The following MTMR9 variants were observed in gnomAD, a reference collection of about 807,000 sequenced individuals.
The protein encoded by MTMR9 is myotubularin related protein 9.
Under a neutral mutation model 69.5 loss-of-function variants are expected in MTMR9, and 39 were observed. The observed-to-expected ratio is 0.56, with a 90% CI of 0.43 to 0.73. The LOEUF is 0.73. MTMR9 is among the 30% of genes least tolerant of loss of function. The pLI is 0.00. For missense variants in MTMR9, 900 were observed against 671.2 expected (o/e 1.34, Z -3.77); for synonymous variants, 354 against 240.8 (o/e 1.47, Z -4.35).
chr8:11,295,738 C>G (rs932470767), intron 2 of MTMR9, among the ~76,000 whole-genome samples: 1 of 152,200 alleles, frequency 6.6e-6, no homozygotes, highest in African/African-American at 2.4e-5. Flanking sequence ...AGACTGTAAA[C>G]TTCTTTTTCT....
intron 1 of MTMR9, among the ~76,000 whole-genome samples, chr8:11,287,177 T>A (rs1799193512): frequency 6.6e-6 from 1 of 152,234 alleles, no homozygotes; most frequent in African/African-American, 2.4e-5. Context: ...CGTCTAACTG[T>A]GGCTTGGGCA....
the MTMR9 span, among the ~76,000 whole-genome samples, chr8:11,336,064 G>A: frequency 3.3e-5 from 5 of 152,146 alleles, no homozygotes; most frequent in South Asian, 2.1e-4. Flanking sequence ...ATACATTTTG[G>A]TGAGGACAAA....
chr8:11,332,016 A>C, downstream of MTMR9: 1 of 1,611,734 alleles, frequency 6.2e-7, no homozygotes. Flanking sequence ...GCTCCATGAG[A>C]CTGTGGCACT....
At position 11,300,132 on chromosome 8, in the gene MTMR9, A is replaced by G. The variant is rs751209576; in HGVS notation, c.401A>G (p.Glu134Gly). Residue 134 changes from glutamate to glycine, a missense_variant, in exon 3 of 10, where the codon GAA (glutamate) becomes GGA (glycine). Glu to Gly is a moderately conservative substitution (Grantham distance 98). Transcript: ENST00000221086. The stretch of plus-strand genomic sequence containing the variant: ...TCCTTCCTTCCTGAGCAAGAATTTG[A>G]ACTCTATTCTTCAGCTGTGAGTTAA... ...WHSFLPEQEF[E>G]LYSSATSEWR... The G allele has an allele frequency of 6.2e-7, 1 of 1,613,242 alleles. No individual in the cohort carries two copies. Among genetic ancestry groups the G allele is most frequent in the South Asian group, 1.1e-5 (1 of 91,074 alleles).
rs563217569 is a variant in MTMR9, at chr8:11,320,199, A to G, written c.1486+361A>G. On this transcript the variant is annotated intron_variant, in intron 9 of 9. Coordinates refer to ENST00000221086, the MANE Select transcript of MTMR9 (RefSeq NM_015458.4). Reference sequence around the variant, plus strand: ...GTTTCTGTCCCTTAATGAAGCAGTCATTAGGATAGGTTCTTGTATTAAATG... The same window carrying G: ...GTTTCTGTCCCTTAATGAAGCAGTCGTTAGGATAGGTTCTTGTATTAAATG... The G allele has an allele frequency of 1.0e-3, 197 of 193,544 alleles. 1 individual carries two copies. Among genetic ancestry groups the G allele is most frequent in the Non-Finnish European group, 5.1e-4 (49 of 95,314 alleles). 12.0% of individuals were successfully genotyped at this position (193,544 alleles called of 1,614,324 possible). A position where few individuals can be genotyped will look rare whatever the true frequency, so the allele number is the denominator to read the frequency against.
At chr8:11,332,269 T>C (rs989355859), downstream of MTMR9, 22 of 1,288,660 alleles carry the variant, frequency 1.7e-5, no homozygotes, top group Non-Finnish European at 2.1e-5. Flanking sequence ...CATTATAATA[T>C]TGAGATGTTC....
intron 1 of MTMR9, among the ~76,000 whole-genome samples, chr8:11,287,897 T>G (rs1323325542): frequency 6.5e-4 from 83 of 127,446 alleles, no homozygotes; most frequent in Middle Eastern, 4.3e-3. Flanking sequence ...TAATACGTAT[T>G]ATATATAACA....
rs773830610 is a variant in MTMR9, at chr8:11,295,236, T to C, written c.225T>C (p.Asp75=). 3.7e-6 allele frequency: 6 copies of C among 1,611,692 alleles called. No individual in the cohort carries two copies. The South Asian group carries it at 5.5e-5, about 15-fold the overall frequency. The change falls in exon 2 of 10, where the codon GAT becomes GAC. Residue 75 remains aspartate, a synonymous_variant. Coordinates refer to ENST00000221086, the MANE Select transcript of MTMR9 (RefSeq NM_015458.4). ...SLGTIIIKCK[D]FRIIQLDIPG... is the part of the protein sequence containing the mutation. ...GTACCATCATCATAAAATGTAAAGA[T>C]TTTCGAATTATTCAGTTGGATATTC...
At chr8:11,307,093 A>G (rs1289947183) in intron 5 of MTMR9, among the ~76,000 whole-genome samples, 12 of 151,842 alleles carry the variant, frequency 7.9e-5, no homozygotes, top group African/African-American at 2.7e-4. Flanking sequence ...TTTTTTTGGG[A>G]TGGAGTCTTG....
rs933650043 is a variant in MTMR9 at position 11,323,371 on chromosome 8, A to G, written c.*583A>G. 4 of 152,240 alleles carry G rather than the reference A, an allele frequency of 2.6e-5. No individual in the cohort carries two copies. Among genetic ancestry groups the G allele is most frequent in the Non-Finnish European group, 5.9e-5 (4 of 68,032 alleles). The allele number at this position is 152,240 out of a possible 1,614,324, so 9.4% of individuals were successfully genotyped here. ...CTCATTCTTGTTTGTCAAGAAAGGA[A>G]AATCTGTTATTCAAGGTAAATTATT... On this transcript the variant is annotated 3_prime_UTR_variant, in exon 10 of 10. Transcript: ENST00000221086.
intron 3 of MTMR9, 77 bp from the exon 4 acceptor site, chr8:11,304,764 A>G: frequency 6.9e-7 from 1 of 1,450,228 alleles, no homozygotes; most frequent in Non-Finnish European, 9.5e-7. Flanking sequence ...TTGACCTCTA[A>G]GGTCTTTTAA....
chr8:11,300,276 A>T, intron 3 of MTMR9, 128 bp downstream of exon 3: 1 of 1,001,584 alleles, frequency 1.0e-6, no homozygotes, highest in Non-Finnish European at 1.5e-6. Context: ...ATCTTAATAT[A>T]TTTAAAAGGA....
chr8:11,333,932 C>T, the MTMR9 span, among the ~76,000 whole-genome samples: 1 of 152,200 alleles, frequency 6.6e-6, no homozygotes, highest in African/African-American at 2.4e-5. Flanking sequence ...GGGCTCTGCC[C>T]TCATATATGG....
At chr8:11,287,556 C>G (rs1335315956) in intron 1 of MTMR9, among the ~76,000 whole-genome samples, 5 of 151,296 alleles carry the variant, frequency 3.3e-5, no homozygotes. Flanking sequence ...CACCTGTTTT[C>G]CACGTGCATT....
intron 9 of MTMR9, chr8:11,321,498 T>C (rs1004506915): frequency 6.6e-6 from 3 of 456,578 alleles, no homozygotes; most frequent in Non-Finnish European, 1.3e-5. Flanking sequence ...CCAAACCTCC[T>C]TGTGGAGCTT....
the MTMR9 span, among the ~76,000 whole-genome samples, chr8:11,338,444 C>G: frequency 1.3e-5 from 2 of 152,080 alleles, no homozygotes; most frequent in Admixed American, 6.6e-5. Context: ...GAACCGGGCT[C>G]CATAGTGTCA....
In MTMR9 at chr8:11,323,964, G is replaced by T. The variant is rs979020231; in HGVS notation, c.*1176G>T. The T allele has an allele frequency of 3.3e-5, 5 of 152,132 alleles. No individual in the cohort carries two copies. The highest frequency in any genetic ancestry group is 5.9e-5 in the Non-Finnish European group (4 of 68,032). The allele number at this position is 152,132 out of a possible 1,614,324, so 9.4% of individuals were successfully genotyped here. ...AAACAGTGATGACTATTCATGCTCTGCTAGTCTATGCCTGCAACTCCAAAT... is the reference window on the plus strand; with the variant it reads ...AAACAGTGATGACTATTCATGCTCTTCTAGTCTATGCCTGCAACTCCAAAT... On this transcript the variant is annotated 3_prime_UTR_variant, in exon 10 of 10. Coordinates refer to ENST00000221086, the MANE Select transcript of MTMR9 (RefSeq NM_015458.4).
At chr8:11,307,356 G>A (rs11775635) in intron 5 of MTMR9, among the ~76,000 whole-genome samples, 54,960 of 152,042 alleles carry the variant, frequency 0.36, 11,206 homozygotes, top group East Asian at 0.7. Context: ...ACAGGCATGA[G>A]CCACTGTGCC....
intron 2 of MTMR9, among the ~76,000 whole-genome samples, chr8:11,295,554 T>C (rs956916290): frequency 6.6e-6 from 1 of 152,202 alleles, no homozygotes; most frequent in Admixed American, 6.5e-5. Flanking sequence ...CCATTTCCAA[T>C]GGCTTTGTGG....
Sources: allele counts gnomAD v4.1 joint callset (sites outside exome capture counted in the v4.1 genomes callset), GRCh38; gene constraint gnomAD v4.1.1; transcripts MANE v1.5; gene names NCBI Gene and HGNC (gene_info 2026-07-23, HGNC 2026-07-21).